NBEAL1: variants seen among roughly 807,000 people sequenced by gnomAD.
NBEAL1 encodes the protein neurobeachin like 1, also known as neurobeachin-like protein 1.
NBEAL1 carries 273 observed loss-of-function variants against 351.3 expected under a neutral mutation model. The observed-to-expected ratio is 0.78, with a 90% CI of 0.70 to 0.86. The LOEUF (loss-of-function observed/expected upper bound fraction) is 0.86. NBEAL1 is among the 40% of genes least tolerant of loss of function. The pLI, the probability that NBEAL1 is intolerant of heterozygous loss-of-function variation, is 0.00. For synonymous variants in NBEAL1, 1,050 were observed against 1,086.4 expected, an observed-to-expected ratio of 0.97 and a Z score of 0.66; for missense variants, 2,961 against 3,201.3, an observed-to-expected ratio of 0.92 and a Z score of 1.81.
chr2:203,144,851 A>C lies in NBEAL1; in HGVS notation c.5100A>C (p.Glu1700Asp). Residue 1700 changes from glutamate to aspartate, a missense_variant, in exon 32 of 56, where the codon GAA becomes GAC. Coordinates refer to ENST00000683969, the MANE Select transcript of NBEAL1 (RefSeq NM_001378026.1). ...PFTNGSSSFFEDFQEYCNSNE... is the reference protein window; with the variant it reads ...PFTNGSSSFFDDFQEYCNSNE... ...CCAATGGTAGCTCCTCATTTTTTGA[A>C]GATTTTCAAGAATATTGTAATTCAA... 6.2e-7 allele frequency: 1 copy of C among 1,610,388 alleles called. No individual in the cohort carries two copies.
At chr2:203,053,502 CGTCGTT>C (rs2061355766) in intron 4 of NBEAL1, among the ~76,000 whole-genome samples, 1 of 151,534 alleles carries the variant, frequency 6.6e-6, no homozygotes, top group African/African-American at 2.4e-5. Context: ...TTTTTGTCGT[CGTCGTT>C]GTTGTTGTTG....
In NBEAL1 at chr2:203,223,030, A is replaced by G. The variant is rs1370937970; in HGVS notation, c.*5676A>G. Reference sequence around the variant, plus strand: ...TTTCTTCTGTATAAAAATCTCATTTAATAGTGGCTGTATTATCAGATACTT... The same window carrying G: ...TTTCTTCTGTATAAAAATCTCATTTGATAGTGGCTGTATTATCAGATACTT... On this transcript the variant is annotated 3_prime_UTR_variant, in exon 56 of 56. Transcript: ENST00000683969. Among the ~76,000 whole-genome samples the G allele has an allele frequency of 6.6e-6, 1 of 152,232 alleles. No homozygotes were observed. The highest frequency in any genetic ancestry group is 2.4e-5 in the African/African-American group (1 of 41,470).
In NBEAL1 at chr2:203,187,943, C is replaced by T. The variant is rs1382716513; in HGVS notation, c.6706-529C>T. ...TTTTCCTGTCTCTAATAACAATTTC[C>T]TCACTGTCTTTCAAATTATCACTAG... On this transcript the variant is annotated intron_variant, in intron 44 of 55. Transcript: ENST00000683969. Among the ~76,000 whole-genome samples, 7 of 152,204 alleles carry T rather than the reference C, an allele frequency of 4.6e-5. No homozygotes were observed. In the South Asian group the frequency reaches 8.3e-4, roughly 18 times the overall value.
chr2:203,145,038 G>A lies in NBEAL1; in HGVS notation c.5182G>A (p.Ala1728Thr), dbSNP rs764487576. The A allele has an allele frequency of 6.2e-7, 1 of 1,606,344 alleles. No homozygotes were observed. Among genetic ancestry groups the A allele is most frequent in the East Asian group, 2.2e-5 (1 of 44,714 alleles). Residue 1728 changes from alanine to threonine, a missense_variant, in exon 33 of 56, where the codon GCT (alanine) becomes ACT (threonine). Transcript: ENST00000683969. ...YIVPYMKQYE[A>T]HTFYDGHENM... is the part of the protein sequence containing the mutation. ...TGTACCTTATATGAAGCAGTATGAA[G>A]CTCATACATTTTACGATGGTCATGA...
In NBEAL1 at chr2:203,213,690, G is replaced by T. The variant is rs191723262; in HGVS notation, c.8070+37G>T. 1,428 of 1,611,594 alleles carry T rather than the reference G, an allele frequency of 8.9e-4. 1 individual carries two copies. Among genetic ancestry groups the T allele is most frequent in the Non-Finnish European group, 1.1e-3 (1,310 of 1,179,234 alleles). Reference sequence around the variant, plus strand: ...CATCAGTAATTTCATTTCTCATGCTGTTGGGGATTACTTTGGTTCTCCTTC... The same window carrying T: ...CATCAGTAATTTCATTTCTCATGCTTTTGGGGATTACTTTGGTTCTCCTTC... On this transcript the variant is annotated intron_variant, in intron 55 of 55. Transcript: ENST00000683969.
chr2:203,162,133 C>T (rs1016735827), intron 36 of NBEAL1, among the ~76,000 whole-genome samples: 2 of 148,440 alleles, frequency 1.3e-5, no homozygotes, highest in Admixed American at 6.9e-5. Flanking sequence ...GAGTGATTCT[C>T]GTGCCTCAGC....
chr2:203,201,372 T>C (rs1244756794), intron 49 of NBEAL1, among the ~76,000 whole-genome samples, 171 bp from the exon 50 acceptor site: 1 of 152,224 alleles, frequency 6.6e-6, no homozygotes, highest in Non-Finnish European at 1.5e-5. Context: ...ATGAAAAATA[T>C]TACAGTGAGA....
In NBEAL1 at chr2:203,125,481, G is replaced by A. The variant is rs1271668203; in HGVS notation, c.2812G>A (p.Glu938Lys). 6.5e-7 allele frequency: 1 copy of A among 1,538,738 alleles called. No individual in the cohort carries two copies. The highest frequency in any genetic ancestry group is 2.5e-5 in the East Asian group (1 of 40,322). The change falls in exon 20 of 56, where the codon GAA becomes AAA. Residue 938 changes from glutamate to lysine, a missense_variant. Coordinates refer to ENST00000683969, the MANE Select transcript of NBEAL1 (RefSeq NM_001378026.1). ...AGTTCCTGAATCAGTAACACCTGTT[G>A]AAGGAGATTGGCTCGTATGGACTTC... The part of the protein sequence containing the change: ...STVPESVTPV[E>K]GDWLVWTSTK...
chr2:203,224,243 G>A lies in NBEAL1; in HGVS notation c.*6889G>A, dbSNP rs1004752329. On this transcript the variant is annotated 3_prime_UTR_variant, in exon 56 of 56. Coordinates refer to ENST00000683969, the MANE Select transcript of NBEAL1 (RefSeq NM_001378026.1). ...TGAACATCACCAAACTTTTTTTGTG[G>A]CAAACTGCTTATTTTATAAGTAGCT... Among the ~76,000 whole-genome samples, 1 of 151,722 alleles carries A rather than the reference G, an allele frequency of 6.6e-6. No homozygotes were observed. Among genetic ancestry groups the A allele is most frequent in the East Asian group, 1.9e-4 (1 of 5,202 alleles).
rs1408991083 is a variant in NBEAL1 at position 203,135,854 on chromosome 2, G to A, written c.3991G>A (p.Asp1331Asn). Residue 1331 changes from aspartate to asparagine, a missense_variant, in exon 28 of 56, where the codon GAT becomes AAT. Asp to Asn is a conservative substitution (Grantham distance 23, BLOSUM62 1). Transcript: ENST00000683969. The part of the protein sequence containing the change: ...KDNDKNMSTE[D>N]TKKNSDEKTD... ...CAATGATAAAAATATGTCAACTGAAGATACCAAGAAGAACTCTGATGAAAA... is the reference window on the plus strand; with the variant it reads ...CAATGATAAAAATATGTCAACTGAAAATACCAAGAAGAACTCTGATGAAAA... 6.2e-7 allele frequency: 1 copy of A among 1,613,888 alleles called. No homozygotes were observed. The highest frequency in any genetic ancestry group is 8.5e-7 in the Non-Finnish European group (1 of 1,179,988).
chr2:203,093,625 G>T (rs1026562497), intron 10 of NBEAL1, among the ~76,000 whole-genome samples: 8 of 152,150 alleles, frequency 5.3e-5, no homozygotes, highest in African/African-American at 1.7e-4. Flanking sequence ...AGGCCAAGGC[G>T]GGTTGATCAC....
At chr2:203,208,148 G>C (rs6722395) in intron 51 of NBEAL1, among the ~76,000 whole-genome samples, 134,317 of 152,026 alleles carry the variant, frequency 0.88, 60,480 homozygotes, top group Non-Finnish European at 0.96. Context: ...AGCCAGGCAT[G>C]GTGGTACATG....
intron 10 of NBEAL1, among the ~76,000 whole-genome samples, chr2:203,091,254 C>T (rs1415112592): frequency 4.6e-5 from 7 of 152,262 alleles, no homozygotes; most frequent in African/African-American, 1.7e-4. Context: ...TCGATGACTG[C>T]CTTATTTCAC....
chr2:203,162,261 T>C (rs942439851), intron 36 of NBEAL1, among the ~76,000 whole-genome samples: 1 of 151,926 alleles, frequency 6.6e-6, no homozygotes, highest in African/African-American at 2.4e-5. Flanking sequence ...TGACCCCAAG[T>C]GATACTCCCA....
chr2:203,071,370 A>G (rs1053873728), intron 7 of NBEAL1, among the ~76,000 whole-genome samples: 29 of 152,248 alleles, frequency 1.9e-4, no homozygotes, highest in African/African-American at 6.3e-4. Flanking sequence ...TCTTCTTACA[A>G]GGGCACTAGT....
chr2:203,095,287 ATTGTTTGT>A (rs139305237), intron 10 of NBEAL1, among the ~76,000 whole-genome samples: 1 of 151,750 alleles, frequency 6.6e-6, no homozygotes, highest in African/African-American at 2.4e-5. Context: ...AAGAATAAGA[ATTGTTTGT>A]TTGTTTGTTT....
At position 203,108,157 on chromosome 2, in the gene NBEAL1, A is replaced by G. The variant is rs760383001; in HGVS notation, c.1918A>G (p.Asn640Asp). 161 of 1,550,914 alleles carry G rather than the reference A, an allele frequency of 1.0e-4. No homozygotes were observed. The highest frequency in any genetic ancestry group is 1.4e-4 in the Non-Finnish European group (157 of 1,146,350). The change falls in exon 14 of 56, where the codon AAC becomes GAC. Residue 640 changes from asparagine to aspartate, a missense_variant. By Grantham distance (23) the Asn-to-Asp change is conservative. Transcript: ENST00000683969. ...GGATCAGTTGACTCTTGGCATTGCT[A>G]ACAAAGGAGGGAAAAGGAAACAATT... is the stretch of plus-strand genomic sequence containing the variant. ...DQDQLTLGIA[N>D]KGGKRKQLYS...
intron 49 of NBEAL1, among the ~76,000 whole-genome samples, chr2:203,200,512 C>A (rs969157465): frequency 1.3e-5 from 2 of 151,274 alleles, no homozygotes; most frequent in African/African-American, 4.9e-5. Context: ...GACTCCAACT[C>A]AAAAAAATAA....
chr2:203,184,780 G>A (rs948940559), intron 44 of NBEAL1, among the ~76,000 whole-genome samples: 1 of 151,916 alleles, frequency 6.6e-6, no homozygotes, highest in Non-Finnish European at 1.5e-5. Context: ...AATGAGTATA[G>A]CCAAGTGTGG....
Sources: gnomAD v4.1 joint callset for allele counts (sites outside exome capture counted in the v4.1 genomes callset) on GRCh38, gnomAD v4.1.1 for gene constraint, MANE v1.5 for transcripts, NCBI Gene and HGNC (gene_info 2026-07-23, HGNC 2026-07-21) for gene names.